The following YEATS2 variants were observed in gnomAD, a reference collection of about 807,000 sequenced individuals.
YEATS2 encodes the protein YEATS domain-containing protein 2.
In YEATS2, 77 loss-of-function variants were observed where a neutral mutation model predicts 163.2. That is an observed-to-expected ratio of 0.47 (90% confidence interval 0.39 to 0.57). YEATS2 has a LOEUF of 0.57. Among genes scored for constraint, YEATS2 ranks in the 20% least tolerant of loss-of-function variants. YEATS2 has a pLI of 0.00. For synonymous variants in YEATS2, 631 were observed against 645.1 expected (o/e 0.98, Z 0.33); for missense variants, 1,549 against 1,729.8 (o/e 0.90, Z 1.85).
intron 18 of YEATS2, among the ~76,000 whole-genome samples, chr3:183,777,321 C>A (rs1445723325): frequency 6.6e-6 from 1 of 152,176 alleles, no homozygotes; most frequent in African/African-American, 2.4e-5. Context: ...CAACAGGCTG[C>A]TCTGTAACTA....
chr3:183,803,953 G>C, intron 26 of YEATS2, 34 bp from the exon 27 acceptor site: 2 of 1,607,534 alleles, frequency 1.2e-6, no homozygotes, highest in Middle Eastern at 1.7e-4. Flanking sequence ...GGAAGGATTT[G>C]ATTATGGTTC....
intron 1 of YEATS2, among the ~76,000 whole-genome samples, chr3:183,700,597 T>TC (rs1713958518): frequency 6.9e-6 from 1 of 145,034 alleles, no homozygotes; most frequent in African/African-American, 2.7e-5. Context: ...TTCTTTTCTT[T>TC]CTTTTTTTTT....
intron 10 of YEATS2, among the ~76,000 whole-genome samples, chr3:183,753,772 G>A (rs933318301): frequency 6.6e-6 from 1 of 151,986 alleles, no homozygotes; most frequent in African/African-American, 2.4e-5. Flanking sequence ...AATAAGATAG[G>A]AGGATATCAT....
At chr3:183,792,945 C>A (rs967070253) in intron 21 of YEATS2, among the ~76,000 whole-genome samples, 1 of 152,180 alleles carries the variant, frequency 6.6e-6, no homozygotes, top group East Asian at 1.9e-4. Context: ...ACTGTCTCAG[C>A]TGCCAGGAAG....
chr3:183,741,202 G>T (rs1718924207), intron 8 of YEATS2, among the ~76,000 whole-genome samples: 1 of 151,996 alleles, frequency 6.6e-6, no homozygotes, highest in Non-Finnish European at 1.5e-5. Context: ...GCCTCCCAAA[G>T]TGCTGGAATT....
In YEATS2 at chr3:183,809,277, G is replaced by A. The variant is rs1726552199; in HGVS notation, c.4160+107G>A. The A allele has an allele frequency of 6.1e-6, 7 of 1,153,032 alleles. No homozygotes were observed. The Admixed American group carries it at 8.6e-5, about 14-fold the overall frequency. The allele number at this position is 1,153,032 out of a possible 1,614,324, so 71.4% of individuals were successfully genotyped here. A position where few individuals can be genotyped will look rare whatever the true frequency, so the allele number is the denominator to read the frequency against. On this transcript the variant is annotated intron_variant, in intron 30 of 30. Coordinates refer to ENST00000305135, the MANE Select transcript of YEATS2 (RefSeq NM_018023.5). ...TTACATCAATCCAGTAGGAGATGGA[G>A]TGAGTGCTTAGGACACTCTTAGAGC...
chr3:183,711,995 T>A (rs549268302), intron 1 of YEATS2, among the ~76,000 whole-genome samples: 11 of 151,546 alleles, frequency 7.3e-5, no homozygotes, highest in Admixed American at 3.3e-4. Context: ...AATTTTTGTA[T>A]TTTTAGTAGA....
At chr3:183,778,134 A>G (rs1235499967) in intron 19 of YEATS2, among the ~76,000 whole-genome samples, 30 of 150,546 alleles carry the variant, frequency 2.0e-4, no homozygotes, top group Admixed American at 1.5e-3. Context: ...AAAAAGAAAA[A>G]AAAAGAAAAA....
At chr3:183,778,685 G>GA (rs1372605789) in intron 19 of YEATS2, among the ~76,000 whole-genome samples, 1 of 152,098 alleles carries the variant, frequency 6.6e-6, no homozygotes, top group African/African-American at 2.4e-5. Context: ...ATACTGGTCA[G>GA]TAGTTTTCTT....
intron 8 of YEATS2, among the ~76,000 whole-genome samples, chr3:183,743,751 G>A (rs1418299483): frequency 6.6e-6 from 1 of 152,102 alleles, no homozygotes; most frequent in Non-Finnish European, 1.5e-5. Flanking sequence ...ACATAATCCT[G>A]ATACTGTACA....
chr3:183,752,822 G>A (rs1206178592), intron 10 of YEATS2, among the ~76,000 whole-genome samples: 1 of 151,048 alleles, frequency 6.6e-6, no homozygotes, highest in East Asian at 1.9e-4. Flanking sequence ...TTTTGAGATG[G>A]AGTCTTGCTC....
In YEATS2 at chr3:183,811,418, C is replaced by G. The variant is rs562990655; in HGVS notation, c.*835C>G. ...GCCTGCAGGAGCTTCTGCTGCTGAC[C>G]CCATGCTGAGTGGCCAGTGGGGAGC... On this transcript the variant is annotated 3_prime_UTR_variant, in exon 31 of 31. Coordinates refer to ENST00000305135, the MANE Select transcript of YEATS2 (RefSeq NM_018023.5). The G allele has an allele frequency of 6.5e-6, 1 of 152,790 alleles. No individual in the cohort carries two copies. Among genetic ancestry groups the G allele is most frequent in the Non-Finnish European group, 1.5e-5 (1 of 68,194 alleles). 9.5% of individuals were successfully genotyped at this position (152,790 alleles called of 1,614,324 possible).
chr3:183,704,167 C>T lies in YEATS2; in HGVS notation c.-20+6174C>T, dbSNP rs541952752. 2.0e-5 allele frequency among the ~76,000 whole-genome samples: 3 copies of T among 149,864 alleles called. No individual in the cohort carries two copies. In the South Asian group the frequency reaches 6.3e-4, roughly 32 times the overall value. ...CTCCATCTCAAAAAAAAAAAAAAAG[C>T]TTCCTAAAGCTTCAACAGTAGACTT... On this transcript the variant is annotated intron_variant, in intron 1 of 30. Transcript: ENST00000305135.
intron 7 of YEATS2, among the ~76,000 whole-genome samples, chr3:183,732,810 C>A (rs947622189): frequency 6.6e-6 from 1 of 152,124 alleles, no homozygotes; most frequent in Non-Finnish European, 1.5e-5. Context: ...CTGCCCACCT[C>A]GGCCTCCCAA....
At chr3:183,759,120 C>T (rs182741377) in intron 13 of YEATS2, among the ~76,000 whole-genome samples, 155 bp downstream of exon 13, 1 of 152,344 alleles carries the variant, frequency 6.6e-6, no homozygotes, top group East Asian at 1.9e-4. Flanking sequence ...TGCCAGGGTA[C>T]TGCGGTTACA....
chr3:183,756,449 T>G, intron 11 of YEATS2, 79 bp from the exon 12 acceptor site: 1 of 1,383,976 alleles, frequency 7.2e-7, no homozygotes, highest in Non-Finnish European at 9.6e-7. Context: ...GGCACTGACC[T>G]TCTTCCTTGT....
intron 1 of YEATS2, among the ~76,000 whole-genome samples, chr3:183,700,516 G>A (rs967775632): frequency 6.6e-6 from 1 of 151,844 alleles, no homozygotes; most frequent in Non-Finnish European, 1.5e-5. Context: ...GTGATACCCA[G>A]TAGATGGTGG....
intron 21 of YEATS2, among the ~76,000 whole-genome samples, chr3:183,797,708 TC>T (rs1427977411): frequency 6.6e-6 from 1 of 152,196 alleles, no homozygotes; most frequent in African/African-American, 2.4e-5. Context: ...AGAGCGAGAC[TC>T]CATCTCAAAA....
intron 19 of YEATS2, among the ~76,000 whole-genome samples, chr3:183,783,310 G>C (rs1416451899): frequency 6.6e-6 from 1 of 152,234 alleles, no homozygotes; most frequent in Non-Finnish European, 1.5e-5. Context: ...TGCTTGTGGA[G>C]TGCATTAATT....
Sources: allele counts gnomAD v4.1 joint callset (sites outside exome capture counted in the v4.1 genomes callset), GRCh38; gene constraint gnomAD v4.1.1; transcripts MANE v1.5; gene names NCBI Gene and HGNC (gene_info 2026-07-23, HGNC 2026-07-21).